Variants in ROBO1 observed in about 807,000 individuals in gnomAD.
ROBO1 encodes the protein roundabout guidance receptor 1.
In ROBO1, 149 loss-of-function variants were observed where a neutral mutation model predicts 195.9. The observed-to-expected ratio is 0.76, with a 90% CI of 0.67 to 0.87. The LOEUF is 0.87. ROBO1 is among the 40% of genes least tolerant of loss of function. The probability of loss-of-function intolerance (pLI) is 0.00; values close to 1 mark genes in which losing one functional copy is unlikely to be tolerated. For missense variants in ROBO1, 1,933 were observed against 2,068.3 expected (o/e 0.93, Z 1.27); for synonymous variants, 816 against 733.2 (o/e 1.11, Z -1.82).
chr3:79,060,546 G>A (rs2078897981), intron 3 of ROBO1, among the ~76,000 whole-genome samples: 1 of 151,748 alleles, frequency 6.6e-6, no homozygotes, highest in Non-Finnish European at 1.5e-5. Context: ...CGACACTTAG[G>A]GAAAACAGAA....
chr3:79,363,271 C>T (rs971897694), intron 2 of ROBO1, among the ~76,000 whole-genome samples: 3 of 152,180 alleles, frequency 2.0e-5, no homozygotes, highest in African/African-American at 7.2e-5. Flanking sequence ...CTTTCCTTGT[C>T]TGTGTATTGC....
intron 2 of ROBO1, among the ~76,000 whole-genome samples, chr3:79,299,837 A>C (rs2032805536): frequency 6.6e-6 from 1 of 151,796 alleles, no homozygotes; most frequent in Admixed American, 6.6e-5. Flanking sequence ...ATATCAACTC[A>C]AGAAACACTA....
chr3:78,895,769 A>C (rs2037189400), intron 4 of ROBO1, among the ~76,000 whole-genome samples: 1 of 152,200 alleles, frequency 6.6e-6, no homozygotes, highest in Non-Finnish European at 1.5e-5. Context: ...TTTGGACCAA[A>C]AGCCATTTTT....
chr3:79,627,919 A>G, intron 1 of ROBO1, among the ~76,000 whole-genome samples: 1 of 152,194 alleles, frequency 6.6e-6, no homozygotes, highest in Non-Finnish European at 1.5e-5. Context: ...ATCATCAGAA[A>G]AATGCAAATC....
At chr3:79,386,156 A>G (rs1393739994) in intron 2 of ROBO1, among the ~76,000 whole-genome samples, 1 of 152,188 alleles carries the variant, frequency 6.6e-6, no homozygotes, top group Non-Finnish European at 1.5e-5. Flanking sequence ...GTGCATTTTA[A>G]TTAGAAACAG....
chr3:79,561,220 A>C (rs1942908201), intron 2 of ROBO1, among the ~76,000 whole-genome samples: 1 of 152,200 alleles, frequency 6.6e-6, no homozygotes, highest in Admixed American at 6.6e-5. Flanking sequence ...ATCCTTAAGT[A>C]GTTTTGAACC....
intron 1 of ROBO1, among the ~76,000 whole-genome samples, chr3:79,626,072 AACAGAACCAAAG>A (rs1560050042): frequency 6.6e-6 from 1 of 152,212 alleles, no homozygotes; most frequent in Non-Finnish European, 1.5e-5. Flanking sequence ...CCATCACATA[AACAGAACCAAAG>A]ACAGAAACCA....
chr3:79,656,477 A>G (rs1459274398), intron 1 of ROBO1, among the ~76,000 whole-genome samples: 1 of 152,106 alleles, frequency 6.6e-6, no homozygotes, highest in Admixed American at 6.6e-5. Flanking sequence ...AAATAATAGT[A>G]TACTTTATTG....
At chr3:79,183,095 A>AG (rs2081375514) in intron 2 of ROBO1, among the ~76,000 whole-genome samples, 1 of 151,914 alleles carries the variant, frequency 6.6e-6, no homozygotes, top group South Asian at 2.1e-4. Context: ...AAAAAAAAAA[A>AG]AAGATACATA....
At chr3:79,727,289 TA>T (rs1237258573) in intron 1 of ROBO1, among the ~76,000 whole-genome samples, 2 of 135,336 alleles carry the variant, frequency 1.5e-5, no homozygotes, top group Non-Finnish European at 3.3e-5. Context: ...ATTTTTACTT[TA>T]AAAATATGTG....
intron 2 of ROBO1, among the ~76,000 whole-genome samples, chr3:79,511,035 T>C (rs914621556): frequency 6.6e-6 from 1 of 152,198 alleles, no homozygotes. Flanking sequence ...ATTTGTGTTA[T>C]GTGCCCACTA....
intron 2 of ROBO1, among the ~76,000 whole-genome samples, chr3:79,588,766 A>C (rs973363022): frequency 6.6e-6 from 1 of 151,774 alleles, no homozygotes; most frequent in Non-Finnish European, 1.5e-5. Flanking sequence ...GATACAAATC[A>C]TTAAATGTAT....
chr3:78,678,270 A>G (rs1708563356), intron 10 of ROBO1, among the ~76,000 whole-genome samples: 8 of 150,368 alleles, frequency 5.3e-5, no homozygotes, highest in Admixed American at 5.3e-4. Context: ...AAGAACTAGA[A>G]AAGCAAGAGC....
chr3:79,414,003 G>A lies in ROBO1; in HGVS notation c.88+175821C>T, dbSNP rs78006113. 1.1e-4 allele frequency among the ~76,000 whole-genome samples: 16 copies of A among 152,008 alleles called. No homozygotes were observed. In the East Asian group the frequency reaches 2.7e-3, roughly 26 times the overall value. On this transcript the variant is annotated intron_variant, in intron 2 of 30. Coordinates refer to ENST00000464233, the MANE Select transcript of ROBO1 (RefSeq NM_002941.4). ...AAAAAGCATGAACTTCCAGTCTGTC[G>A]ACCTTTTTATTTACTTTCTCCTCGA...
At chr3:78,790,752 T>C (rs937162600) in intron 4 of ROBO1, among the ~76,000 whole-genome samples, 12 of 152,212 alleles carry the variant, frequency 7.9e-5, no homozygotes, top group African/African-American at 2.9e-4. Context: ...GTCAGCCATG[T>C]CCTTTAGGAC....
In ROBO1 at chr3:79,209,390, T is replaced by C. The variant is rs143867772; in HGVS notation, c.89-83851A>G. Among the ~76,000 whole-genome samples the C allele has an allele frequency of 8.8e-3, 1,343 of 152,316 alleles. 20 individuals are homozygous for C. The highest frequency in any genetic ancestry group is 0.031 in the African/African-American group (1,268 of 41,572). The stretch of plus-strand genomic sequence containing the variant: ...CACATTTTCTTAATCCATTCTTTGG[T>C]TGATAGACATTTAGGTTGGTTCCAT... On this transcript the variant is annotated intron_variant, in intron 2 of 30. Transcript: ENST00000464233.
chr3:78,677,607 T>A (rs1362429096), intron 10 of ROBO1, among the ~76,000 whole-genome samples: 7 of 151,302 alleles, frequency 4.6e-5, no homozygotes, highest in African/African-American at 1.5e-4. Flanking sequence ...AGGGATCAAT[T>A]CAACAAGAGG....
At chr3:79,564,155 A>C (rs540935114) in intron 2 of ROBO1, among the ~76,000 whole-genome samples, 19 of 152,192 alleles carry the variant, frequency 1.2e-4, no homozygotes, top group African/African-American at 4.3e-4. Flanking sequence ...TGAATAACAA[A>C]AAAAAAGTAA....
At chr3:79,548,440 C>T (rs1404323106) in intron 2 of ROBO1, among the ~76,000 whole-genome samples, 2 of 152,112 alleles carry the variant, frequency 1.3e-5, no homozygotes, top group Non-Finnish European at 2.9e-5. Flanking sequence ...ACATGGGTTA[C>T]ATAAAATTAG....
Sources: gnomAD v4.1 joint callset for allele counts (sites outside exome capture counted in the v4.1 genomes callset) on GRCh38, gnomAD v4.1.1 for gene constraint, MANE v1.5 for transcripts, NCBI Gene and HGNC (gene_info 2026-07-23, HGNC 2026-07-21) for gene names.